Variants in MACF1 observed in about 807,000 individuals in gnomAD.
MACF1 encodes microtubule actin crosslinking factor 1.
MACF1 carries 193 observed loss-of-function variants against 854.8 expected under a neutral mutation model. That is an observed-to-expected ratio of 0.23 (90% CI 0.20 to 0.25). The LOEUF is 0.25. Ranked by LOEUF, MACF1 falls within the 10% of genes least tolerant of loss-of-function variation. The pLI is 1.00. For synonymous variants in MACF1, 3,185 were observed against 3,226.7 expected (o/e 0.99, Z 0.44); for missense variants, 7,722 against 8,929.1 (o/e 0.86, Z 5.45).
intron 36 of MACF1, chr1:39,328,700 A>G: frequency 6.6e-6 from 1 of 152,352 alleles, no homozygotes; most frequent in East Asian, 1.9e-4. Flanking sequence ...CGTGCCCTGC[A>G]ACTCTGGTAA....
chr1:39,387,983 G>A lies in MACF1; in HGVS notation c.15141G>A (p.Lys5047=), dbSNP rs1351520326. The change falls in exon 58 of 101, where the codon AAG becomes AAA. Residue 5047 remains lysine, a synonymous_variant. Transcript: ENST00000564288. ...TGGGTTCTCAAGCCTGTAGCAACAAGAACCTGGAGAAGCTAAGAGCTCAAC... is the reference window on the plus strand; with the variant it reads ...TGGGTTCTCAAGCCTGTAGCAACAAAAACCTGGAGAAGCTAAGAGCTCAAC... The part of the protein sequence containing the change: ...DALGSQACSN[K]NLEKLRAQQE... 1 of 1,613,984 alleles carries A rather than the reference G, an allele frequency of 6.2e-7. No individual in the cohort carries two copies. The highest frequency in any genetic ancestry group is 1.3e-5 in the African/African-American group (1 of 74,896).
At chr1:39,092,407 A>ATAC (rs1641829634) in intron 2 of MACF1, among the ~76,000 whole-genome samples, 1 of 152,230 alleles carries the variant, frequency 6.6e-6, no homozygotes, top group African/African-American at 2.4e-5. Context: ...GGCATTTTAC[A>ATAC]TACATCATTT....
chr1:39,486,526 C>T lies in MACF1; in HGVS notation c.*732C>T, dbSNP rs1223511382. 6.6e-6 allele frequency: 1 copy of T among 152,602 alleles called. No homozygotes were observed. Among genetic ancestry groups the T allele is most frequent in the Admixed American group, 6.5e-5 (1 of 15,284 alleles). 9.5% of individuals were successfully genotyped at this position (152,602 alleles called of 1,614,324 possible). On this transcript the variant is annotated 3_prime_UTR_variant, in exon 101 of 101. Coordinates refer to ENST00000564288, the MANE Select transcript of MACF1 (RefSeq NM_001394062.1). ...TTTGTTGCTCCCTATCCAGCCTAGA[C>T]ACCAGTAACTCTTGTGTTCACCAGG...
rs771568110 is a variant in MACF1 at position 39,331,466 on chromosome 1, T to G, written c.4878T>G (p.Thr1626=). Residue 1626 remains threonine (T), a synonymous_variant, in exon 37 of 101, where the codon ACT becomes ACG. Transcript: ENST00000564288. ...QDALALISRL[T]ESRGPLSVVE... The stretch of plus-strand genomic sequence containing the variant: ...CCCTGGCCTTAATAAGCAGGCTTAC[T>G]GAGAGCAGAGGCCCTCTTTCTGTGG... 6.2e-7 allele frequency: 1 copy of G among 1,614,190 alleles called. No homozygotes were observed. The highest frequency in any genetic ancestry group is 1.1e-5 in the South Asian group (1 of 91,080).
intron 2 of MACF1, among the ~76,000 whole-genome samples, chr1:39,152,125 C>G (rs1166906060): frequency 6.6e-6 from 1 of 152,080 alleles, no homozygotes; most frequent in Non-Finnish European, 1.5e-5. Context: ...CAGATGCCCA[C>G]CACCATGCTC....
Position 39,349,531 on chromosome 1 carries a change from T to C in MACF1, c.10869T>C (p.Ser3623=). 3 of 1,614,086 alleles carry C rather than the reference T, an allele frequency of 1.9e-6. No homozygotes were observed. Among genetic ancestry groups the C allele is most frequent in the Non-Finnish European group, 2.5e-6 (3 of 1,179,950 alleles). Residue 3623 remains serine (S), a synonymous_variant, in exon 42 of 101, where the codon AGT becomes AGC. Transcript: ENST00000564288. The part of the protein sequence containing the change: ...TCHQQLEDLC[S]WVGQAERALA... ...ACCAGCAACTGGAGGATCTTTGCAG[T>C]TGGGTAGGACAGGCAGAAAGAGCAC...
intron 45 of MACF1, 115 bp downstream of exon 45, chr1:39,358,008 T>A: frequency 9.1e-7 from 1 of 1,098,544 alleles, no homozygotes; most frequent in Non-Finnish European, 1.3e-6. Flanking sequence ...AGAGCTGATT[T>A]ATACTTGGAC....
intron 22 of MACF1, among the ~76,000 whole-genome samples, chr1:39,302,240 T>C (rs1646062727): frequency 6.6e-6 from 1 of 152,174 alleles, no homozygotes; most frequent in African/African-American, 2.4e-5. Flanking sequence ...TCAAGCAGCC[T>C]GCCTACCTTA....
chr1:39,190,395 G>GTTTTTTTTTTTTTTTTTTTTTTTTTTTTT lies in MACF1; in HGVS notation c.221-40782_221-40781insTTTTTTTTTTTTTTTTTTTTTTTTTTTTT, dbSNP rs750262685. 3.8e-5 allele frequency among the ~76,000 whole-genome samples: 3 copies of GTTTTTTTTTTTTTTTTTTTTTTTTTTTTT among 79,058 alleles called. 1 individual carries two copies. The highest frequency in any genetic ancestry group is 7.1e-5 in the Non-Finnish European group (3 of 42,362). The allele number at this position is 79,058 out of a possible 152,430, so 51.9% of individuals were successfully genotyped here. ...TGTGTGTGTGTGTGTGTGTGTGTTT[G>GTTTTTTTTTTTTTTTTTTTTTTTTTTTTT]TTTTTGTTTTTTTTTTTTTTTTTTG... On this transcript the variant is annotated intron_variant, in intron 2 of 93. Transcript: ENST00000361689.
At chr1:39,162,311 T>G (rs1371667404) in intron 2 of MACF1, among the ~76,000 whole-genome samples, 1 of 152,198 alleles carries the variant, frequency 6.6e-6, no homozygotes, top group Non-Finnish European at 1.5e-5. Flanking sequence ...CTCTGTCGCT[T>G]AAGTAAATAG....
At chr1:39,412,917 A>G in intron 58 of MACF1, 2 of 1,606,942 alleles carry the variant, frequency 1.2e-6, no homozygotes, top group Non-Finnish European at 8.5e-7. Context: ...AGGACATCCT[A>G]GTTGCTTCAA....
intron 43 of MACF1, among the ~76,000 whole-genome samples, 195 bp from the exon 44 acceptor site, chr1:39,352,812 A>G (rs1257141936): frequency 6.6e-6 from 1 of 151,928 alleles, no homozygotes; most frequent in South Asian, 2.1e-4. Flanking sequence ...ATATAATGAA[A>G]TGTAGAGATA....
rs1275857219 is a variant in MACF1 at position 39,332,690 on chromosome 1, G to A, written c.6102G>A (p.Gly2034=). The change falls in exon 37 of 101, where the codon GGG becomes GGA. Residue 2034 remains glycine, a synonymous_variant. Coordinates refer to ENST00000564288, the MANE Select transcript of MACF1 (RefSeq NM_001394062.1). ...NVKISGTFSS[G]WTVRLPEFQF... The stretch of plus-strand genomic sequence containing the variant: ...AAATCTCAGGAACTTTCAGCAGTGG[G>A]TGGACTGTGAGGCTGCCTGAGTTCC... The A allele has an allele frequency of 1.2e-6, 2 of 1,614,044 alleles. No homozygotes were observed. The highest frequency in any genetic ancestry group is 1.7e-6 in the Non-Finnish European group (2 of 1,180,026).
At chr1:39,251,205 T>C (rs1246117997) in intron 3 of MACF1, among the ~76,000 whole-genome samples, 1 of 152,168 alleles carries the variant, frequency 6.6e-6, no homozygotes, top group Non-Finnish European at 1.5e-5. Context: ...ATTAATTATA[T>C]ATTTTTTAAT....
chr1:39,204,095 G>A (rs1644423278), upstream of MACF1, among the ~76,000 whole-genome samples: 1 of 152,044 alleles, frequency 6.6e-6, no homozygotes, highest in South Asian at 2.1e-4. Flanking sequence ...CCAACATGGT[G>A]AAACCCCATC....
rs1644431721 is a variant in MACF1, at chr1:39,204,797, T to G, written c.-226T>G. 8.6e-6 allele frequency: 4 copies of G among 466,258 alleles called. No homozygotes were observed. The South Asian group carries it at 1.3e-4, about 15-fold the overall frequency. The allele number at this position is 466,258 out of a possible 1,614,324, so 28.9% of individuals were successfully genotyped here. On this transcript the variant is annotated 5_prime_UTR_variant, in exon 1 of 101. Coordinates refer to ENST00000564288, the MANE Select transcript of MACF1 (RefSeq NM_001394062.1). ...CGCTGGCCAGTTGTTTCCTGGGCTT[T>G]GTCTGAGATACACTGTACAGTTTTA...
intron 20 of MACF1, among the ~76,000 whole-genome samples, chr1:39,296,799 AGG>A (rs1645918967): frequency 2.4e-5 from 3 of 124,812 alleles, no homozygotes; most frequent in Non-Finnish European, 3.2e-5. Context: ...AAAGGAAGGA[AGG>A]AAAAGAAAGA....
Position 39,353,194 on chromosome 1 carries a change from C to T in MACF1, c.11387C>T (p.Ala3796Val). 1 of 1,609,250 alleles carries T rather than the reference C, an allele frequency of 6.2e-7. No homozygotes were observed. The highest frequency in any genetic ancestry group is 8.5e-7 in the Non-Finnish European group (1 of 1,175,932). Residue 3796 changes from alanine (A) to valine (V), a missense_variant, in exon 44 of 101, where the codon GCC becomes GTC. Ala to Val is a moderately conservative substitution (Grantham distance 64, BLOSUM62 0). Coordinates refer to ENST00000564288, the MANE Select transcript of MACF1 (RefSeq NM_001394062.1). ...GATGGTTACATGGGGGTGAATCAAG[C>T]CCCAGAGAAACTGGACAAGCAATGT... ...TTDGYMGVNQAPEKLDKQCEM... is the reference protein window; with the variant it reads ...TTDGYMGVNQVPEKLDKQCEM...
At chr1:39,303,409 G>C (rs539433502) in intron 23 of MACF1, among the ~76,000 whole-genome samples, 2 of 152,088 alleles carry the variant, frequency 1.3e-5, no homozygotes, top group African/African-American at 4.8e-5. Context: ...AAATTAGCTG[G>C]ATGTGGTGGT....
Sources: allele counts gnomAD v4.1 joint callset (sites outside exome capture counted in the v4.1 genomes callset), GRCh38; gene constraint gnomAD v4.1.1; transcripts MANE v1.5; gene names NCBI Gene and HGNC (gene_info 2026-07-23, HGNC 2026-07-21).